BACC1: variants seen among roughly 807,000 people sequenced by gnomAD.
BACC1 encodes BPTF-associated chromatin complex component 1.
chr17:7,017,333 C>G, the BACC1 span: 1 of 1,602,522 alleles, frequency 6.2e-7, no homozygotes, highest in African/African-American at 1.3e-5. Flanking sequence ...CCTTCCACCT[C>G]TGACCTCTCA....
the BACC1 span, chr17:7,015,438 C>T: frequency 7.3e-7 from 1 of 1,364,164 alleles, no homozygotes; most frequent in Non-Finnish European, 9.4e-7. Flanking sequence ...GGAATTCCCC[C>T]AGACGGCTGC....
chr17:7,015,219 C>T, the BACC1 span: 4 of 1,498,206 alleles, frequency 2.7e-6, no homozygotes, highest in African/African-American at 1.4e-5. Flanking sequence ...GTCACAGACA[C>T]GGACCCTCTC....
At chr17:7,017,452 G>GC in the BACC1 span, 1 of 830,028 alleles carries the variant, frequency 1.2e-6, no homozygotes, top group East Asian at 2.5e-5. Flanking sequence ...ATAAGCATCT[G>GC]CCCCCAACCC....
the BACC1 span, chr17:7,017,145 C>T: frequency 6.4e-7 from 1 of 1,552,526 alleles, no homozygotes. Flanking sequence ...CTCTCATACA[C>T]AGCGCAGGGC....
chr17:7,015,925 C>A, the BACC1 span: 2 of 1,502,958 alleles, frequency 1.3e-6, no homozygotes, highest in Non-Finnish European at 1.8e-6. Context: ...CCTTCTTCCT[C>A]CTTACCCAAG....
the BACC1 span, chr17:7,017,290 C>T: frequency 1.2e-6 from 2 of 1,614,048 alleles, no homozygotes; most frequent in Non-Finnish European, 1.7e-6. Context: ...CTTCTCATGA[C>T]CTCTGCTGAT....
chr17:7,017,440 G>C, the BACC1 span: 1 of 932,040 alleles, frequency 1.1e-6, no homozygotes, highest in Non-Finnish European at 1.8e-6. Context: ...CGCTATTCCC[G>C]CATAAGCATC....
chr17:7,014,987 T>C, the BACC1 span: 1 of 1,209,428 alleles, frequency 8.3e-7, no homozygotes, highest in African/African-American at 1.8e-5. The surrounding 1 kb of genome is among the most constrained non-coding windows in gnomAD (Gnocchi z 4.5). Context: ...GAGCCGAGCC[T>C]GGGGTGGGGC....
the BACC1 span, chr17:7,014,960 G>T: frequency 6.9e-7 from 1 of 1,451,846 alleles, no homozygotes; most frequent in Non-Finnish European, 9.0e-7. This position sits in a 1 kb window ranked among gnomAD's most constrained non-coding sequence, Gnocchi z 4.5. Flanking sequence ...CTTCCGCCCC[G>T]GGCGGGGGGC....
chr17:7,017,216 G>A, the BACC1 span: 3 of 1,614,048 alleles, frequency 1.9e-6, no homozygotes, highest in South Asian at 3.3e-5. Flanking sequence ...AAGCACACTG[G>A]GGGCTCGCTC....
chr17:7,015,964 G>A, the BACC1 span: 1 of 1,040,410 alleles, frequency 9.6e-7, no homozygotes, highest in Non-Finnish European at 1.5e-6. Context: ...CTCCTTTCCA[G>A]CTCAGCTGCT....
the BACC1 span, chr17:7,015,170 G>A: frequency 6.4e-7 from 1 of 1,563,214 alleles, no homozygotes; most frequent in Non-Finnish European, 8.6e-7. Flanking sequence ...CGTGAGCCCG[G>A]ACTGGGACGT....
chr17:7,014,869 G>T, the BACC1 span: 1 of 1,538,388 alleles, frequency 6.5e-7, no homozygotes. The surrounding 1 kb of genome is among the most constrained non-coding windows in gnomAD (Gnocchi z 4.5). Context: ...TGACGTCAGC[G>T]TCCACAAAGG....
the BACC1 span, chr17:7,015,756 C>G: frequency 7.1e-4 from 1,135 of 1,609,416 alleles, 5 homozygotes; most frequent in South Asian, 0.011. Context: ...TGCTATCCCC[C>G]CTCTCCCCTT....
At chr17:7,017,393 AC>A in the BACC1 span, 1 of 1,441,016 alleles carries the variant, frequency 6.9e-7, no homozygotes, top group Admixed American at 1.7e-5. Context: ...CAAGGCCTGC[AC>A]GAGAGAGGGC....
chr17:7,015,377 T>A, the BACC1 span: 4 of 1,375,980 alleles, frequency 2.9e-6, no homozygotes, highest in Non-Finnish European at 3.7e-6. Context: ...TTCTCCCTGC[T>A]GCGAACGGGT....
the BACC1 span, chr17:7,015,133 C>G: frequency 3.2e-6 from 5 of 1,586,664 alleles, no homozygotes; most frequent in Non-Finnish European, 4.3e-6. Context: ...AGCTGCATCC[C>G]GTGGCCGACT....
chr17:7,016,372 A>C, the BACC1 span: 1 of 1,009,186 alleles, frequency 9.9e-7, no homozygotes, highest in Non-Finnish European at 1.5e-6. Context: ...GAACCCTACC[A>C]ATGGGTTGGG....
the BACC1 span, chr17:7,017,266 C>G: frequency 6.2e-7 from 1 of 1,614,102 alleles, no homozygotes; most frequent in Non-Finnish European, 8.5e-7. Flanking sequence ...GACAGCCTGA[C>G]CCTGGATTCT....
Sources: gnomAD v4.1 joint callset for allele counts on GRCh38, gnomAD v4.1.1 for gene constraint, Gnocchi (gnomAD v3.1) non-coding constraint, MANE v1.5 for transcripts, NCBI Gene and HGNC (gene_info 2026-07-23, HGNC 2026-07-21) for gene names.